CFAP69: variants seen among roughly 807,000 people sequenced by gnomAD.
CFAP69 encodes the protein cilia- and flagella-associated protein 69.
CFAP69 carries 92 observed loss-of-function variants against 123.0 expected under a neutral mutation model. The ratio of observed to expected loss-of-function variants is 0.75; its 90% CI spans 0.63 to 0.89. The LOEUF (loss-of-function observed/expected upper bound fraction) is 0.89, where lower values mean the gene tolerates loss of function less well. Among genes scored for constraint, CFAP69 ranks in the 40% least tolerant of loss-of-function variants. The pLI is 0.00. For synonymous variants in CFAP69, 380 were observed against 364.3 expected (o/e 1.04, Z -0.49); for missense variants, 1,067 against 1,096.9 (o/e 0.97, Z 0.39).
chr7:90,291,123 A>C (rs1169738380), intron 15 of CFAP69, among the ~76,000 whole-genome samples: 14 of 152,166 alleles, frequency 9.2e-5, no homozygotes, highest in Admixed American at 6.5e-5. Flanking sequence ...GGATGAGTCC[A>C]AAGGATAAAG....
chr7:90,307,913 T>C, intron 21 of CFAP69, 59 bp downstream of exon 21: 1 of 1,080,300 alleles, frequency 9.3e-7, no homozygotes, highest in South Asian at 1.4e-5. Context: ...ACAGACAGAC[T>C]TTTTCAGGAA....
Position 90,299,981 on chromosome 7 carries a change from G to A in CFAP69, c.1972G>A (p.Ala658Thr). The change falls in exon 17 of 23, where the codon GCT becomes ACT. Residue 658 changes from alanine (A) to threonine (T), a missense_variant. Transcript: ENST00000389297. ...GCAAGGGAAGAAGGATCAGACAGCT[G>A]CTAGTCTTTTAATTAAATTGTGGAG... The part of the protein sequence containing the change: ...AWQGKKDQTA[A>T]SLLIKLWRKE... The A allele has an allele frequency of 6.2e-7, 1 of 1,610,980 alleles. No homozygotes were observed. Among genetic ancestry groups the A allele is most frequent in the Non-Finnish European group, 8.5e-7 (1 of 1,178,672 alleles).
At position 90,271,598 on chromosome 7, in the gene CFAP69, A is replaced by G; in HGVS notation, c.605A>G (p.Gln202Arg). 1 of 1,613,598 alleles carries G rather than the reference A, an allele frequency of 6.2e-7. No homozygotes were observed. The highest frequency in any genetic ancestry group is 8.5e-7 in the Non-Finnish European group (1 of 1,179,666). Residue 202 changes from glutamine to arginine, a missense_variant, in exon 7 of 23, where the codon CAG becomes CGG. Transcript: ENST00000389297. The stretch of plus-strand genomic sequence containing the variant: ...GGAGGATTAGCAAAAACAATGGTCC[A>G]GTCAATGACCTTGCTTGAAAATCAA... ...EVGGLAKTMV[Q>R]SMTLLENQLV...
At chr7:90,292,786 A>T (rs1359680429) in intron 15 of CFAP69, among the ~76,000 whole-genome samples, 1 of 152,152 alleles carries the variant, frequency 6.6e-6, no homozygotes, top group African/African-American at 2.4e-5. Flanking sequence ...TAGTCCACAA[A>T]ATTAATTTCT....
chr7:90,316,730 C>G, the CFAP69 span: 1 of 152,150 alleles, frequency 6.6e-6, no homozygotes, highest in Non-Finnish European at 1.5e-5. Flanking sequence ...AACCAGATTG[C>G]CCAGTTTAGC....
At chr7:90,248,757 T>C (rs559353008) in intron 1 of CFAP69, among the ~76,000 whole-genome samples, 1 of 152,314 alleles carries the variant, frequency 6.6e-6, no homozygotes, top group South Asian at 2.1e-4. Context: ...TTTAAAGTGA[T>C]TATCATACTT....
At chr7:90,260,691 G>A (rs1798202483) in intron 3 of CFAP69, among the ~76,000 whole-genome samples, 1 of 151,818 alleles carries the variant, frequency 6.6e-6, no homozygotes, top group South Asian at 2.1e-4. Context: ...TCCATCTTAG[G>A]GCTTGTGTAT....
intron 1 of CFAP69, among the ~76,000 whole-genome samples, chr7:90,249,533 G>C (rs1796713699): frequency 6.6e-6 from 1 of 152,166 alleles, no homozygotes; most frequent in African/African-American, 2.4e-5. Context: ...CAGGAAGGTA[G>C]AGGTAATGTA....
chr7:90,295,158 A>T (rs1231986948), intron 15 of CFAP69, among the ~76,000 whole-genome samples: 1 of 152,226 alleles, frequency 6.6e-6, no homozygotes, highest in Non-Finnish European at 1.5e-5. Context: ...TGCAAGGCAG[A>T]TTATTCCAAA....
chr7:90,264,091 G>GAAAAAAAAA lies in CFAP69; in HGVS notation c.357-1204_357-1196dup, dbSNP rs1165222104. ...GGGCGACAGAGCAAGACTCCATCTC[G>GAAAAAAAAA]AAAAAAAAAAAAAATATATATATAT... is the stretch of plus-strand genomic sequence containing the variant. On this transcript the variant is annotated intron_variant, in intron 4 of 22. Coordinates refer to ENST00000389297, the MANE Select transcript of CFAP69 (RefSeq NM_001039706.3). Among the ~76,000 whole-genome samples the GAAAAAAAAA allele has an allele frequency of 2.8e-4, 5 of 17,992 alleles. 1 individual carries two copies. Among genetic ancestry groups the GAAAAAAAAA allele is most frequent in the African/African-American group, 1.3e-3 (5 of 3,994 alleles). 11.8% of individuals were successfully genotyped at this position (17,992 alleles called of 152,430 possible). A position where few individuals can be genotyped will look rare whatever the true frequency, so the allele number is the denominator to read the frequency against.
At chr7:90,322,729 C>G in the CFAP69 span, 1 of 152,168 alleles carries the variant, frequency 6.6e-6, no homozygotes, top group Non-Finnish European at 1.5e-5. Context: ...TAATAGTTGT[C>G]ATTAAAATGC....
chr7:90,305,310 C>T (rs1793400084), intron 19 of CFAP69, among the ~76,000 whole-genome samples: 2 of 148,158 alleles, frequency 1.3e-5, no homozygotes, highest in Non-Finnish European at 3.0e-5. Context: ...CACTGCACTC[C>T]AGCCTGGGCG....
intron 9 of CFAP69, among the ~76,000 whole-genome samples, chr7:90,276,651 T>A (rs990308839): frequency 2.0e-5 from 3 of 152,114 alleles, no homozygotes; most frequent in African/African-American, 7.2e-5. Context: ...ACAAGAATGG[T>A]TGGGGTAGAA....
intron 1 of CFAP69, among the ~76,000 whole-genome samples, chr7:90,253,879 C>T (rs1797320864): frequency 1.3e-5 from 2 of 152,170 alleles, no homozygotes; most frequent in Admixed American, 6.5e-5. Context: ...GTGGCCTGCA[C>T]TTTTGAGGTC....
rs569273234 is a variant in CFAP69, at chr7:90,263,466, T to C, written c.356+1410T>C. ...AATGCTAATTTTTTCATAAACTTTT[T>C]GGTTGAAAACTCTTCTGATGCTTTA... On this transcript the variant is annotated intron_variant, in intron 4 of 22. Transcript: ENST00000389297. Among the ~76,000 whole-genome samples, 4 of 152,322 alleles carry C rather than the reference T, an allele frequency of 2.6e-5. 1 individual carries two copies. The highest frequency in any genetic ancestry group is 7.2e-5 in the African/African-American group (3 of 41,572).
At chr7:90,247,001 C>T (rs1198733462) in intron 1 of CFAP69, among the ~76,000 whole-genome samples, 2 of 152,268 alleles carry the variant, frequency 1.3e-5, no homozygotes, top group Non-Finnish European at 2.9e-5. Flanking sequence ...AAGAAGAAAG[C>T]AATCAATTTG....
At chr7:90,306,241 A>G (rs1358919577) in intron 19 of CFAP69, among the ~76,000 whole-genome samples, 2 of 152,068 alleles carry the variant, frequency 1.3e-5, no homozygotes, top group African/African-American at 2.4e-5. Flanking sequence ...TATCATAGAT[A>G]TATAATTTTT....
chr7:90,297,147 T>C (rs1205618617), intron 15 of CFAP69, among the ~76,000 whole-genome samples: 1 of 152,220 alleles, frequency 6.6e-6, no homozygotes, highest in Admixed American at 6.5e-5. Context: ...TGTGATGCTA[T>C]ACCAGAGTCA....
intron 22 of CFAP69, among the ~76,000 whole-genome samples, chr7:90,309,822 A>G (rs1265461509): frequency 6.6e-6 from 1 of 152,172 alleles, no homozygotes; most frequent in Non-Finnish European, 1.5e-5. Flanking sequence ...GTAGATCCCA[A>G]GTGTTCCTGG....
Sources: gnomAD v4.1 joint callset for allele counts (sites outside exome capture counted in the v4.1 genomes callset) on GRCh38, gnomAD v4.1.1 for gene constraint, MANE v1.5 for transcripts, NCBI Gene and HGNC (gene_info 2026-07-23, HGNC 2026-07-21) for gene names.